The following DPYS variants were observed in gnomAD, a reference collection of about 807,000 sequenced individuals.
DPYS encodes dihydropyrimidine amidohydrolase.
A neutral mutation model predicts 50.3 loss-of-function variants in DPYS; 39 were observed. The ratio of observed to expected loss-of-function variants is 0.78; its 90% CI spans 0.60 to 1.01. The LOEUF (loss-of-function observed/expected upper bound fraction) is 1.01, where lower values mean the gene tolerates loss of function less well. Ranked by LOEUF, DPYS falls within the 50% of genes least tolerant of loss-of-function variation. The pLI is 0.00. For synonymous variants in DPYS, 245 were observed against 250.7 expected (o/e 0.98, Z 0.22); for missense variants, 659 against 680.9 (o/e 0.97, Z 0.36).
intron 7 of DPYS, among the ~76,000 whole-genome samples, chr8:104,404,342 C>T (rs780989183): frequency 4.6e-5 from 7 of 152,136 alleles, no homozygotes; most frequent in Admixed American, 6.5e-5. Context: ...ATGCAATGCT[C>T]ACTGTACTAG....
At position 104,412,867 on chromosome 8, in the gene DPYS, C is replaced by A. The variant is rs891833603; in HGVS notation, c.1235+11380G>T. 2.0e-5 allele frequency among the ~76,000 whole-genome samples: 3 copies of A among 152,322 alleles called. No homozygotes were observed. The South Asian group carries it at 6.2e-4, about 32-fold the overall frequency. On this transcript the variant is annotated intron_variant, in intron 7 of 9. Coordinates refer to ENST00000351513, the MANE Select transcript of DPYS (RefSeq NM_001385.3). ...ATGCCTAATCACTTTGTCTCCACCA[C>A]CTACTATGTCTCTGGCACATGGTAG... is the stretch of plus-strand genomic sequence containing the variant.
intron 7 of DPYS, among the ~76,000 whole-genome samples, chr8:104,417,005 A>G (rs1375388254): frequency 6.6e-6 from 1 of 152,200 alleles, no homozygotes; most frequent in Non-Finnish European, 1.5e-5. Context: ...TATAAAGTTA[A>G]ATTCATTTAT....
At chr8:104,454,617 G>T (rs1813862660) in intron 1 of DPYS, among the ~76,000 whole-genome samples, 2 of 152,142 alleles carry the variant, frequency 1.3e-5, no homozygotes, top group South Asian at 4.1e-4. Context: ...TGCCCTCAGG[G>T]TGTTTATAGG....
chr8:104,428,011 T>C lies in DPYS; in HGVS notation c.1061A>G (p.Asp354Gly), dbSNP rs1408349936. ...TTTTTCCCATATTACGGACATCCGA[T>C]CTTCAACACCATTCACCCCATTGGG... Reference protein sequence around the residue: ...KIPNGVNGVEDRMSVIWEKGV... With the variant: ...KIPNGVNGVEGRMSVIWEKGV... The change falls in exon 6 of 10, where the codon GAT (aspartate) becomes GGT (glycine). Residue 354 changes from aspartate (D) to glycine (G), a missense_variant. By Grantham distance (94) the Asp-to-Gly change is moderately conservative. Transcript: ENST00000351513. The C allele has an allele frequency of 2.5e-6, 4 of 1,614,216 alleles. No homozygotes were observed. The highest frequency in any genetic ancestry group is 3.4e-6 in the Non-Finnish European group (4 of 1,180,036).
At chr8:104,396,878 A>G (rs1046891857) in intron 7 of DPYS, among the ~76,000 whole-genome samples, 3 of 152,198 alleles carry the variant, frequency 2.0e-5, no homozygotes, top group African/African-American at 7.2e-5. Context: ...GGGGTTAGCA[A>G]GAGAAAGAGG....
rs184322838 is a variant in DPYS at position 104,415,415 on chromosome 8, G to A, written c.1235+8832C>T. On this transcript the variant is annotated intron_variant, in intron 7 of 9. Transcript: ENST00000351513. ...GCTGCTTTTCTTTTATAATTTGGGG[G>A]AAAATGCAGTTATTAGTAGTAAAGT... Among the ~76,000 whole-genome samples, 120 of 152,270 alleles carry A rather than the reference G, an allele frequency of 7.9e-4. No individual in the cohort carries two copies. In the Middle Eastern group the frequency reaches 0.02, roughly 26 times the overall value.
intron 7 of DPYS, among the ~76,000 whole-genome samples, chr8:104,419,310 G>T (rs2140603455): frequency 6.6e-6 from 1 of 152,232 alleles, no homozygotes; most frequent in East Asian, 1.9e-4. Context: ...AATCTTCCAT[G>T]CCGTGTGGAA....
chr8:104,457,961 C>G lies in DPYS; in HGVS notation c.265-6557G>C, dbSNP rs557461034. Among the ~76,000 whole-genome samples, 10 of 152,300 alleles carry G rather than the reference C, an allele frequency of 6.6e-5. 1 individual carries two copies. Among genetic ancestry groups the G allele is most frequent in the African/African-American group, 2.4e-4 (10 of 41,566 alleles). On this transcript the variant is annotated intron_variant, in intron 1 of 9. Coordinates refer to ENST00000351513, the MANE Select transcript of DPYS (RefSeq NM_001385.3). The stretch of plus-strand genomic sequence containing the variant: ...TCTTCTATGAACTCCAGGAGCCTCT[C>G]TACTCCTGCGTCTTCACCTCTACTG...
intron 9 of DPYS, 65 bp downstream of exon 9, chr8:104,381,119 T>A: frequency 7.4e-7 from 1 of 1,342,612 alleles, no homozygotes. Context: ...TCAACCCTTA[T>A]GAGGAGAGAT....
intron 7 of DPYS, among the ~76,000 whole-genome samples, chr8:104,413,156 G>C (rs748742136): frequency 6.6e-6 from 1 of 151,892 alleles, no homozygotes; most frequent in East Asian, 1.9e-4. Flanking sequence ...ACCAGCAAAA[G>C]AATATATCAT....
Position 104,424,409 on chromosome 8 carries a change from A to C in DPYS, c.1093-20T>G, listed in dbSNP as rs370814653. On this transcript the variant is annotated intron_variant, in intron 6 of 9. Transcript: ENST00000351513. Reference sequence around the variant, plus strand: ...ACTATGCTGTAAAGCAATTCAAAGAATCATTCTAATGATCAAATACTAAAA... The same window carrying C: ...ACTATGCTGTAAAGCAATTCAAAGACTCATTCTAATGATCAAATACTAAAA... 1.5e-4 allele frequency: 246 copies of C among 1,612,288 alleles called. 1 individual carries two copies. In the African/African-American group the frequency reaches 3.0e-3, roughly 20 times the overall value.
intron 7 of DPYS, among the ~76,000 whole-genome samples, chr8:104,403,371 C>T (rs1025625011): frequency 1.3e-5 from 2 of 152,190 alleles, no homozygotes; most frequent in Non-Finnish European, 2.9e-5. Flanking sequence ...GATTCCATTC[C>T]TTGGAATCCG....
rs148298035 is a variant in DPYS at position 104,428,591 on chromosome 8, G to A, written c.951-470C>T. Reference sequence around the variant, plus strand: ...CCTCCGGGGCAGTCCCTAGCCACACGGCCACACTGGGATGAACAGAGGGTG... The same window carrying A: ...CCTCCGGGGCAGTCCCTAGCCACACAGCCACACTGGGATGAACAGAGGGTG... On this transcript the variant is annotated intron_variant, in intron 5 of 9. Transcript: ENST00000351513. Among the ~76,000 whole-genome samples the A allele has an allele frequency of 2.4e-3, 367 of 152,364 alleles. 1 individual carries two copies. The highest frequency in any genetic ancestry group is 8.2e-3 in the African/African-American group (343 of 41,596).
rs757727593 is a variant in DPYS, at chr8:104,466,848, C to G, written c.73G>C (p.Val25Leu). 3.3e-6 allele frequency: 5 copies of G among 1,531,634 alleles called. No homozygotes were observed. Among genetic ancestry groups the G allele is most frequent in the Admixed American group, 3.9e-5 (2 of 50,736 alleles). 94.9% of individuals were successfully genotyped at this position (1,531,634 alleles called of 1,614,324 possible). Residue 25 changes from valine (V) to leucine (L), a missense_variant, in exon 1 of 10, where the codon GTG (valine) becomes CTG (leucine). Coordinates refer to ENST00000351513, the MANE Select transcript of DPYS (RefSeq NM_001385.3). ...CGCACCACGCCGTCCTCCACCAGCA[C>G]GTCGGCCACCTCCGAGAAGTCATCG... ...VNDDFSEVAD[V>L]LVEDGVVRAL...
intron 4 of DPYS, among the ~76,000 whole-genome samples, chr8:104,439,545 AG>A (rs1342899913): frequency 2.0e-5 from 3 of 152,066 alleles, no homozygotes; most frequent in Non-Finnish European, 2.9e-5. Context: ...TGCTGTGGGA[AG>A]CTGAGGCAGG....
At chr8:104,466,402 A>C (rs1257382089) in intron 1 of DPYS, among the ~76,000 whole-genome samples, 1 of 152,204 alleles carries the variant, frequency 6.6e-6, no homozygotes, top group Non-Finnish European at 1.5e-5. Flanking sequence ...CAAATTAACC[A>C]CTAAAGGAGG....
At chr8:104,400,583 C>T (rs1445722695) in intron 7 of DPYS, among the ~76,000 whole-genome samples, 5 of 152,222 alleles carry the variant, frequency 3.3e-5, no homozygotes, top group African/African-American at 4.8e-5. Flanking sequence ...GGAAGCCTGA[C>T]CATCTAGGGA....
intron 7 of DPYS, among the ~76,000 whole-genome samples, chr8:104,393,861 G>A (rs1811487999): frequency 1.3e-5 from 2 of 152,142 alleles, no homozygotes; most frequent in Non-Finnish European, 2.9e-5. Context: ...GGTTACGTGA[G>A]TAAGTTCTTT....
At position 104,428,034 on chromosome 8, in the gene DPYS, G is replaced by A. The variant is rs1444269397; in HGVS notation, c.1038C>T (p.Pro346=). The A allele has an allele frequency of 6.2e-7, 1 of 1,614,056 alleles. No homozygotes were observed. The highest frequency in any genetic ancestry group is 1.3e-5 in the African/African-American group (1 of 74,932). ...ALGKDDFTKI[P]NGVNGVEDRM... is the part of the protein sequence containing the mutation. The stretch of plus-strand genomic sequence containing the variant: ...GATCTTCAACACCATTCACCCCATT[G>A]GGGATCTTGGTAAAATCATCCTTCC... The change falls in exon 6 of 10, where the codon CCC becomes CCT. Residue 346 remains proline (P), a synonymous_variant. Coordinates refer to ENST00000351513, the MANE Select transcript of DPYS (RefSeq NM_001385.3).
Sources: gnomAD v4.1 joint callset for allele counts (sites outside exome capture counted in the v4.1 genomes callset) on GRCh38, gnomAD v4.1.1 for gene constraint, MANE v1.5 for transcripts, NCBI Gene and HGNC (gene_info 2026-07-23, HGNC 2026-07-21) for gene names.